PDE6C: variants seen among roughly 807,000 people sequenced by gnomAD.
The protein encoded by PDE6C is phosphodiesterase 6C.
In PDE6C, 75 loss-of-function variants were observed where a neutral mutation model predicts 113.1. The ratio of observed to expected loss-of-function variants is 0.66; its 90% CI spans 0.55 to 0.80. The LOEUF is 0.80. Ranked by LOEUF, PDE6C falls within the 30% of genes least tolerant of loss-of-function variation. The pLI, the probability that PDE6C is intolerant of heterozygous loss-of-function variation, is 0.00. For synonymous variants in PDE6C, 375 were observed against 363.7 expected (o/e 1.03, Z -0.35); for missense variants, 912 against 1,038.6 (o/e 0.88, Z 1.67).
intron 16 of PDE6C, 131 bp from the exon 17 acceptor site, chr10:93,658,770 G>T (rs754537054): frequency 4.3e-5 from 29 of 679,762 alleles, no homozygotes; most frequent in Middle Eastern, 3.6e-4. Flanking sequence ...GTATTTTCTG[G>T]CCCTGTAGAC....
intron 15 of PDE6C, among the ~76,000 whole-genome samples, chr10:93,654,217 A>G (rs942532317): frequency 5.3e-5 from 8 of 152,254 alleles, no homozygotes; most frequent in African/African-American, 1.9e-4. Flanking sequence ...TATTATGCCC[A>G]TATGAGAAAA....
In PDE6C at chr10:93,659,142, C is replaced by A; in HGVS notation, c.2183C>A (p.Thr728Asn). The change falls in exon 18 of 22, where the codon ACC (threonine) becomes AAC (asparagine). Residue 728 changes from threonine (T) to asparagine (N), a missense_variant. By Grantham distance (65) the Thr-to-Asn change is moderately conservative. Transcript: ENST00000371447. Reference sequence around the variant, plus strand: ...ACGGCATGTGACTTGTCTGCTATTACCAAGCCCTGGGAGGTGCAAAGTCAG... The same window carrying A: ...ACGGCATGTGACTTGTCTGCTATTAACAAGCCCTGGGAGGTGCAAAGTCAG... ...MMTACDLSAI[T>N]KPWEVQSQVA... is the part of the protein sequence containing the mutation. The A allele has an allele frequency of 1.2e-6, 2 of 1,611,182 alleles. No homozygotes were observed. The highest frequency in any genetic ancestry group is 8.5e-7 in the Non-Finnish European group (1 of 1,179,262).
At chr10:93,620,497 C>G in intron 1 of PDE6C, 135 bp from the exon 2 acceptor site, 1 of 862,104 alleles carries the variant, frequency 1.2e-6, no homozygotes, top group East Asian at 2.5e-5. Flanking sequence ...GGATTGTTTA[C>G]TGGGGACCAC....
intron 16 of PDE6C, among the ~76,000 whole-genome samples, chr10:93,657,328 ATTTTTTTTTT>A (rs71031526): frequency 0.019 from 1,705 of 88,368 alleles, 12 homozygotes; most frequent in Middle Eastern, 0.058. Context: ...CGCCTGGCTA[ATTTTTTTTTT>A]TTTTTTTTTT....
intron 1 of PDE6C, among the ~76,000 whole-genome samples, chr10:93,615,442 C>T (rs1718815451): frequency 2.0e-5 from 3 of 152,140 alleles, no homozygotes; most frequent in South Asian, 4.1e-4. Context: ...AGTGCGATGG[C>T]GCTATCTTGG....
At chr10:93,648,709 CA>C (rs1335501618) in intron 15 of PDE6C, among the ~76,000 whole-genome samples, 1 of 152,092 alleles carries the variant, frequency 6.6e-6, no homozygotes, top group Non-Finnish European at 1.5e-5. Context: ...TGCTTTAACC[CA>C]AATGAATGAG....
intron 18 of PDE6C, among the ~76,000 whole-genome samples, chr10:93,661,388 C>T (rs2058665143): frequency 6.6e-6 from 1 of 152,142 alleles, no homozygotes; most frequent in Admixed American, 6.5e-5. Flanking sequence ...ATAAATGCCA[C>T]CTCCTTCCTT....
intron 3 of PDE6C, among the ~76,000 whole-genome samples, chr10:93,621,697 C>A (rs2058447262): frequency 6.6e-6 from 1 of 152,176 alleles, no homozygotes; most frequent in Non-Finnish European, 1.5e-5. Flanking sequence ...GACACAGGAA[C>A]CAATCATAGC....
rs267606937 is a variant in PDE6C at position 93,622,034 on chromosome 10, C to T, written c.826C>T (p.Arg276Ter). The T allele has an allele frequency of 6.8e-6, 11 of 1,613,796 alleles. No individual in the cohort carries two copies. The highest frequency in any genetic ancestry group is 4.0e-5 in the African/African-American group (3 of 74,916). Reference protein sequence around the residue: ...YTVRSYLNCERYSIGLLDMTK... With the variant: ...YTVRSYLNCE ...GGTTAGATCATATCTGAACTGTGAA[C>T]GATACTCCATTGGACTGCTGGACAT... Residue 276 changes from arginine (R) to a stop codon, truncating the protein, a stop_gained, in exon 4 of 22, where the codon CGA (arginine) becomes TGA (stop). Transcript: ENST00000371447. LOFTEE classifies it high-confidence loss of function.
chr10:93,648,753 T>C (rs1238170933), intron 15 of PDE6C, among the ~76,000 whole-genome samples: 1 of 152,188 alleles, frequency 6.6e-6, no homozygotes, highest in Non-Finnish European at 1.5e-5. Flanking sequence ...TGCACAAGTA[T>C]AAATTTTAAT....
intron 14 of PDE6C, among the ~76,000 whole-genome samples, 193 bp from the exon 15 acceptor site, chr10:93,645,767 G>GTT (rs2058581067): frequency 7.1e-6 from 1 of 140,484 alleles, no homozygotes; most frequent in Admixed American, 7.4e-5. Context: ...AACAAATTAA[G>GTT]GTTTTTTTTT....
chr10:93,658,729 A>G (rs2058652365), intron 16 of PDE6C, among the ~76,000 whole-genome samples, 172 bp from the exon 17 acceptor site: 1 of 151,068 alleles, frequency 6.6e-6, no homozygotes. Flanking sequence ...ACCCTTTCTG[A>G]GCCAAAGTTA....
Position 93,663,317 on chromosome 10 carries a change from G to T in PDE6C, c.2518+139G>T, listed in dbSNP as rs185336708. Reference sequence around the variant, plus strand: ...TGCAGACTGATCATTTTAACAGGCCGATTAGTGGTTTTCAGGTCCCCCTGG... The same window carrying T: ...TGCAGACTGATCATTTTAACAGGCCTATTAGTGGTTTTCAGGTCCCCCTGG... On this transcript the variant is annotated intron_variant, in intron 21 of 21. Transcript: ENST00000371447. The T allele has an allele frequency of 2.8e-3, 2,397 of 850,414 alleles. 7 individuals carry two copies. Among genetic ancestry groups the T allele is most frequent in the Non-Finnish European group, 3.5e-3 (1,827 of 520,686 alleles). The allele number at this position is 850,414 out of a possible 1,614,324, so 52.7% of individuals were successfully genotyped here.
At chr10:93,636,892 C>A in intron 10 of PDE6C, 103 bp from the exon 11 acceptor site, 1 of 733,180 alleles carries the variant, frequency 1.4e-6, no homozygotes, top group Non-Finnish European at 2.4e-6. Flanking sequence ...CTCTTCCTCC[C>A]ACATATTTTA....
chr10:93,630,440 A>G (rs1015395159), intron 8 of PDE6C, among the ~76,000 whole-genome samples: 1 of 123,894 alleles, frequency 8.1e-6, no homozygotes, highest in Non-Finnish European at 1.7e-5. Context: ...CTACCTGCCC[A>G]TCCCTCCTCA....
At chr10:93,615,725 A>G (rs1351177222) in intron 1 of PDE6C, among the ~76,000 whole-genome samples, 1 of 152,220 alleles carries the variant, frequency 6.6e-6, no homozygotes, top group Non-Finnish European at 1.5e-5. Context: ...TACTTCTAAT[A>G]TGCAGCCAAT....
intron 15 of PDE6C, among the ~76,000 whole-genome samples, chr10:93,646,780 A>G (rs2058586534): frequency 6.6e-6 from 1 of 152,202 alleles, no homozygotes; most frequent in Non-Finnish European, 1.5e-5. Flanking sequence ...GCAAAATCCA[A>G]TCACCTCCCA....
rs1274033043 is a variant in PDE6C, at chr10:93,644,130, T to C, written c.1848-1830T>C. 2.0e-5 allele frequency among the ~76,000 whole-genome samples: 3 copies of C among 152,218 alleles called. No homozygotes were observed. The East Asian group carries it at 5.8e-4, about 29-fold the overall frequency. ...GATTAATAAATTCAGACTAAACATT[T>C]TTTTGGCAGGAATACTACATAGATG... is the stretch of plus-strand genomic sequence containing the variant. On this transcript the variant is annotated intron_variant, in intron 14 of 21. Coordinates refer to ENST00000371447, the MANE Select transcript of PDE6C (RefSeq NM_006204.4).
intron 8 of PDE6C, among the ~76,000 whole-genome samples, chr10:93,633,196 T>G (rs978278996): frequency 7.2e-5 from 11 of 152,182 alleles, no homozygotes; most frequent in African/African-American, 2.2e-4. Context: ...CCAGGCATAG[T>G]GACTCACGCC....
Sources: allele counts gnomAD v4.1 joint callset (sites outside exome capture counted in the v4.1 genomes callset), GRCh38; gene constraint gnomAD v4.1.1; transcripts MANE v1.5; gene names NCBI Gene and HGNC (gene_info 2026-07-23, HGNC 2026-07-21).